Variants in SBF2 observed in about 807,000 individuals in gnomAD.
SBF2 encodes myotubularin-related protein 13.
Under a neutral mutation model 225.2 loss-of-function variants are expected in SBF2, and 112 were observed. The ratio of observed to expected loss-of-function variants is 0.50; its 90% CI spans 0.43 to 0.58. The LOEUF (loss-of-function observed/expected upper bound fraction) is 0.58, where lower values mean the gene tolerates loss of function less well. SBF2 is among the 20% of genes least tolerant of loss of function. The pLI, the probability that SBF2 is intolerant of heterozygous loss-of-function variation, is 0.00. For missense variants in SBF2, 1,996 were observed against 2,206.2 expected, an observed-to-expected ratio of 0.90 and a Z score of 1.91; for synonymous variants, 763 against 773.3, an observed-to-expected ratio of 0.99 and a Z score of 0.22.
chr11:9,971,736 T>A (rs1011400759), intron 13 of SBF2, among the ~76,000 whole-genome samples: 1 of 152,052 alleles, frequency 6.6e-6, no homozygotes, highest in Non-Finnish European at 1.5e-5. Flanking sequence ...AGTCAAAATC[T>A]CTAAAGAGTT....
intron 33 of SBF2, among the ~76,000 whole-genome samples, chr11:9,792,201 G>A (rs181200972): frequency 1.5e-4 from 23 of 152,258 alleles, no homozygotes; most frequent in Admixed American, 7.2e-4. Context: ...GGAGGCTGAC[G>A]TGGGCGGATC....
intron 17 of SBF2, among the ~76,000 whole-genome samples, chr11:9,884,801 TCTC>T (rs765440775): frequency 1.2e-4 from 19 of 152,162 alleles, no homozygotes; most frequent in Non-Finnish European, 5.9e-5. Context: ...TAGTCACTCT[TCTC>T]CAATTGTTCC....
rs768593018 is a variant in SBF2 at position 9,845,728 on chromosome 11, C to T, written c.2947G>A (p.Ala983Thr). The change falls in exon 24 of 40, where the codon GCA becomes ACA. Residue 983 changes from alanine (A) to threonine (T), a missense_variant. Physicochemically the swap from Ala to Thr is moderately conservative, Grantham distance 58. Transcript: ENST00000256190. ...TCTGGACTGACTTCTTCATCAAATG[C>T]TACCTTAATCAACTAGAAGCAAAAG... The part of the protein sequence containing the change: ...TSASFQLIKV[A>T]FDEEVSPEVV... The T allele has an allele frequency of 1.9e-6, 3 of 1,613,654 alleles. No individual in the cohort carries two copies. The highest frequency in any genetic ancestry group is 3.3e-5 in the Admixed American group (2 of 59,998).
chr11:10,131,501 T>C (rs923567872), intron 2 of SBF2, among the ~76,000 whole-genome samples: 1 of 152,228 alleles, frequency 6.6e-6, no homozygotes, highest in African/African-American at 2.4e-5. Context: ...TGCTGTGACC[T>C]TGGCTCACTG....
rs200926915 is a variant in SBF2, at chr11:10,071,253, T to TTC, written c.142-28274_142-28273dup. Among the ~76,000 whole-genome samples the TTC allele has an allele frequency of 5.9e-4, 80 of 135,728 alleles. 1 individual carries two copies. Among genetic ancestry groups the TTC allele is most frequent in the Middle Eastern group, 3.6e-3 (1 of 278 alleles). 89.0% of individuals were successfully genotyped at this position (135,728 alleles called of 152,430 possible). On this transcript the variant is annotated intron_variant, in intron 2 of 39. Coordinates refer to ENST00000256190, the MANE Select transcript of SBF2 (RefSeq NM_030962.4). ...TGTCTTGTGCCGGTTTTCTCTTTTT[T>TTC]TCTCTCTCTCTCTTTTTTTTTTTTT...
At chr11:9,882,631 A>C (rs182194504) in intron 17 of SBF2, among the ~76,000 whole-genome samples, 10 of 151,804 alleles carry the variant, frequency 6.6e-5, no homozygotes, top group South Asian at 4.2e-4. Context: ...ACACGGTGAA[A>C]CCCCGTCTCT....
At chr11:10,068,102 G>A (rs1425838040) in intron 2 of SBF2, among the ~76,000 whole-genome samples, 1 of 152,238 alleles carries the variant, frequency 6.6e-6, no homozygotes, top group Non-Finnish European at 1.5e-5. Flanking sequence ...GCAGGCAGCA[G>A]AAATTCTCCC....
At chr11:10,205,481 C>CAACCCTCGGAATGGAGGAACCCTCGG (rs1957722396) in intron 1 of SBF2, among the ~76,000 whole-genome samples, 1 of 151,786 alleles carries the variant, frequency 6.6e-6, no homozygotes, top group Admixed American at 6.6e-5. Context: ...AGGAACAACA[C>CAACCCTCGGAATGGAGGAACCCTCGG]AATGGCAGGA....
At chr11:9,845,447 A>G in intron 24 of SBF2, 118 bp downstream of exon 24, 2 of 957,374 alleles carry the variant, frequency 2.1e-6, no homozygotes, top group Non-Finnish European at 3.3e-6. Context: ...TGGGCTTGAC[A>G]GAAACAGAAC....
Position 10,000,955 on chromosome 11 carries a change from T to C in SBF2, c.820A>G (p.Ile274Val). The C allele has an allele frequency of 1.2e-6, 2 of 1,606,416 alleles. No homozygotes were observed. The highest frequency in any genetic ancestry group is 1.7e-6 in the Non-Finnish European group (2 of 1,173,160). The change falls in exon 8 of 40, where the codon ATT becomes GTT. Residue 274 changes from isoleucine (I) to valine (V), a missense_variant. By Grantham distance (29) the Ile-to-Val change is conservative (BLOSUM62 3). Coordinates refer to ENST00000256190, the MANE Select transcript of SBF2 (RefSeq NM_030962.4). The stretch of plus-strand genomic sequence containing the variant: ...GTTTTAAAGACAGAATGTACTCCAA[T>C]AATGAAAGGCGTTGGGGAACTTAGA... ...EVLSSPTPFI[I>V]GVHSVFKTDV...
chr11:10,104,165 A>C (rs1312598339), intron 2 of SBF2, among the ~76,000 whole-genome samples: 1 of 152,066 alleles, frequency 6.6e-6, no homozygotes, highest in Non-Finnish European at 1.5e-5. Context: ...AGTGAGTCTA[A>C]CTTCATCCTG....
rs572795515 is a variant in SBF2, at chr11:9,992,675, T to C, written c.1168-132A>G. 1.7e-5 allele frequency: 14 copies of C among 846,342 alleles called. No individual in the cohort carries two copies. The African/African-American group carries it at 2.2e-4, about 14-fold the overall frequency. 52.4% of individuals were successfully genotyped at this position (846,342 alleles called of 1,614,324 possible). A position where few individuals can be genotyped will look rare whatever the true frequency, so the allele number is the denominator to read the frequency against. On this transcript the variant is annotated intron_variant, in intron 11 of 39. Coordinates refer to ENST00000256190, the MANE Select transcript of SBF2 (RefSeq NM_030962.4). ...TATAAATATATGCTGTCATAAAATA[T>C]ATTTCTCTCAAAGAGAGTTATTCTG... is the stretch of plus-strand genomic sequence containing the variant.
intron 7 of SBF2, among the ~76,000 whole-genome samples, chr11:10,001,697 T>A (rs1434305399): frequency 6.6e-6 from 1 of 152,060 alleles, no homozygotes; most frequent in East Asian, 1.9e-4. Context: ...GCTAGCTTTT[T>A]CTATTTTTTT....
At chr11:9,838,752 A>C (rs1855895889) in intron 26 of SBF2, 1 of 152,280 alleles carries the variant, frequency 6.6e-6, no homozygotes, top group Non-Finnish European at 1.5e-5. Flanking sequence ...TATAAATGCA[A>C]AGAAAAATCT....
intron 2 of SBF2, among the ~76,000 whole-genome samples, chr11:10,101,574 T>C (rs971368745): frequency 4.6e-5 from 7 of 151,868 alleles, no homozygotes; most frequent in Admixed American, 2.0e-4. Flanking sequence ...TGCAGTGAAA[T>C]GGAACCCGGA....
intron 2 of SBF2, among the ~76,000 whole-genome samples, chr11:10,171,336 G>A (rs1591123187): frequency 1.3e-5 from 2 of 152,148 alleles, no homozygotes. Flanking sequence ...TTTTTAAACA[G>A]TTTGTATCAT....
intron 1 of SBF2, among the ~76,000 whole-genome samples, chr11:10,259,110 G>A (rs1459784053): frequency 6.6e-6 from 1 of 152,148 alleles, no homozygotes; most frequent in Non-Finnish European, 1.5e-5. Context: ...TTGAGAAGTT[G>A]TCTTTTCCTT....
chr11:10,076,112 GA>G (rs1477602491), intron 2 of SBF2, among the ~76,000 whole-genome samples: 1 of 152,222 alleles, frequency 6.6e-6, no homozygotes. Context: ...GGAAAACTGT[GA>G]GTGAATCACC....
chr11:9,833,428 T>TTC (rs1357224190), intron 26 of SBF2, among the ~76,000 whole-genome samples: 2 of 150,938 alleles, frequency 1.3e-5, no homozygotes, highest in Non-Finnish European at 3.0e-5. Context: ...GTGATTTTTT[T>TTC]TTTTTTTTTT....
Sources: allele counts gnomAD v4.1 joint callset (sites outside exome capture counted in the v4.1 genomes callset), GRCh38; gene constraint gnomAD v4.1.1; transcripts MANE v1.5; gene names NCBI Gene and HGNC (gene_info 2026-07-23, HGNC 2026-07-21).